ANKFN1: variants seen among roughly 807,000 people sequenced by gnomAD.
The protein encoded by ANKFN1 is ankyrin repeat and fibronectin type III domain containing 1.
ANKFN1 carries 74 observed loss-of-function variants against 108.7 expected under a neutral mutation model. The observed-to-expected ratio is 0.68, with a 90% CI of 0.56 to 0.83. ANKFN1 has a LOEUF of 0.83. ANKFN1 is among the 40% of genes least tolerant of loss of function. ANKFN1 has a pLI of 0.00. For missense variants in ANKFN1, 1,505 were observed against 1,382.3 expected, an observed-to-expected ratio of 1.09 and a Z score of -1.41; for synonymous variants, 547 against 516.2, an observed-to-expected ratio of 1.06 and a Z score of -0.81.
intron 1 of ANKFN1, among the ~76,000 whole-genome samples, chr17:56,163,010 G>A (rs1909806487): frequency 6.6e-6 from 1 of 151,410 alleles, no homozygotes; most frequent in Non-Finnish European, 1.5e-5. Context: ...ACTCCAGCCT[G>A]GGTGACGAGA....
At chr17:56,379,195 G>A (rs936955662) in intron 8 of ANKFN1, among the ~76,000 whole-genome samples, 6 of 152,026 alleles carry the variant, frequency 3.9e-5, no homozygotes, top group Non-Finnish European at 5.9e-5. Flanking sequence ...TGAGGAGATC[G>A]AGACCATCCT....
At chr17:56,492,658 C>T (rs2051077856) in intron 19 of ANKFN1, among the ~76,000 whole-genome samples, 1 of 152,064 alleles carries the variant, frequency 6.6e-6, no homozygotes, top group South Asian at 2.1e-4. Context: ...GAATATTATT[C>T]TTACCTTGTA....
chr17:56,377,611 C>T (rs1427139211), intron 8 of ANKFN1, among the ~76,000 whole-genome samples: 19 of 152,178 alleles, frequency 1.2e-4, no homozygotes, highest in Admixed American at 1.0e-3. Flanking sequence ...TCAGATGCTT[C>T]GATGCTTTGG....
chr17:56,100,517 C>A (rs916925933), intron 4 of ANKFN1, among the ~76,000 whole-genome samples: 4 of 152,242 alleles, frequency 2.6e-5, no homozygotes, highest in Non-Finnish European at 1.5e-5. Flanking sequence ...TCTAGTGAAC[C>A]ACATGATGAT....
At chr17:56,463,065 T>C (rs1171183953) in intron 14 of ANKFN1, among the ~76,000 whole-genome samples, 1 of 152,216 alleles carries the variant, frequency 6.6e-6, no homozygotes, top group Non-Finnish European at 1.5e-5. Flanking sequence ...TCTGGGTTTC[T>C]GCTCTCTAGT....
At chr17:56,079,936 A>C (rs938887049) in intron 4 of ANKFN1, among the ~76,000 whole-genome samples, 1 of 152,210 alleles carries the variant, frequency 6.6e-6, no homozygotes, top group Non-Finnish European at 1.5e-5. Flanking sequence ...TAATAAATAA[A>C]TTAAAAGACA....
intron 4 of ANKFN1, among the ~76,000 whole-genome samples, chr17:56,089,537 T>G (rs1373646411): frequency 6.6e-6 from 1 of 151,486 alleles, no homozygotes; most frequent in Non-Finnish European, 1.5e-5. Context: ...TTCTTCTACC[T>G]GCTGTCCAAT....
intron 1 of ANKFN1, chr17:56,195,498 C>T (rs1255755276): frequency 2.0e-5 from 3 of 152,194 alleles, no homozygotes; most frequent in Admixed American, 6.5e-5. Context: ...TGGCCTCCAT[C>T]TCTAATTGCC....
intron 1 of ANKFN1, among the ~76,000 whole-genome samples, chr17:56,166,585 C>T (rs574929930): frequency 6.4e-4 from 97 of 152,162 alleles, no homozygotes; most frequent in African/African-American, 2.0e-3. Flanking sequence ...TGCAGCCAAC[C>T]GCATTTTGAA....
intron 2 of ANKFN1, among the ~76,000 whole-genome samples, chr17:56,214,864 C>A (rs1915307617): frequency 6.6e-6 from 1 of 152,164 alleles, no homozygotes; most frequent in African/African-American, 2.4e-5. Context: ...GGCTAACATG[C>A]AAACAAATAA....
Position 56,315,715 on chromosome 17 carries a change from A to T in ANKFN1, c.54-10506A>T, listed in dbSNP as rs141985123. Among the ~76,000 whole-genome samples the T allele has an allele frequency of 1.8e-3, 278 of 152,326 alleles. 1 individual carries two copies. The highest frequency in any genetic ancestry group is 3.3e-3 in the Non-Finnish European group (225 of 68,038). Reference sequence around the variant, plus strand: ...TTAGAAAGCTCCTCTACTCCTTAGAAAGTAGCCAGAGCAGCCCATTCAGAC... The same window carrying T: ...TTAGAAAGCTCCTCTACTCCTTAGATAGTAGCCAGAGCAGCCCATTCAGAC... On this transcript the variant is annotated intron_variant, in intron 3 of 20. Coordinates refer to ENST00000682825, the MANE Select transcript of ANKFN1 (RefSeq NM_001370326.1).
chr17:56,245,938 G>T (rs1254930723), intron 3 of ANKFN1: 3 of 152,026 alleles, frequency 2.0e-5, no homozygotes, highest in East Asian at 1.9e-4. Flanking sequence ...TCTACCAAAA[G>T]GTCAAAGAGA....
intron 4 of ANKFN1, among the ~76,000 whole-genome samples, chr17:56,074,126 G>A (rs931066073): frequency 3.3e-5 from 5 of 152,144 alleles, no homozygotes; most frequent in African/African-American, 1.2e-4. Flanking sequence ...TGCTCAATTT[G>A]GATCATTCTC....
chr17:56,186,923 C>G (rs1567824568), intron 1 of ANKFN1, among the ~76,000 whole-genome samples: 1 of 152,134 alleles, frequency 6.6e-6, no homozygotes, highest in African/African-American at 2.4e-5. Flanking sequence ...ACACCTTATA[C>G]AAAAATTAAT....
intron 4 of ANKFN1, among the ~76,000 whole-genome samples, chr17:56,113,870 G>A (rs995431219): frequency 7.2e-5 from 11 of 152,122 alleles, no homozygotes; most frequent in African/African-American, 2.4e-4. Flanking sequence ...AGATGTTAGA[G>A]GGAAATTCAT....
intron 8 of ANKFN1, among the ~76,000 whole-genome samples, chr17:56,396,670 G>T (rs765531442): frequency 6.6e-6 from 1 of 152,046 alleles, no homozygotes; most frequent in Non-Finnish European, 1.5e-5. Context: ...ATTGGGTCAG[G>T]ACTTTATAGG....
intron 8 of ANKFN1, among the ~76,000 whole-genome samples, chr17:56,424,045 C>G (rs1397454587): frequency 1.3e-5 from 2 of 152,116 alleles, no homozygotes; most frequent in Non-Finnish European, 2.9e-5. Flanking sequence ...AGAATTTAGT[C>G]TCAGAGTTTT....
At chr17:56,363,509 T>C (rs767351476) in intron 6 of ANKFN1, among the ~76,000 whole-genome samples, 1 of 152,178 alleles carries the variant, frequency 6.6e-6, no homozygotes, top group Non-Finnish European at 1.5e-5. Context: ...GAAAACTAAG[T>C]GGAGTTTCCT....
intron 4 of ANKFN1, among the ~76,000 whole-genome samples, chr17:56,101,094 GC>G (rs1358899908): frequency 6.6e-6 from 1 of 152,012 alleles, no homozygotes; most frequent in Admixed American, 6.6e-5. Context: ...TGAGACAATG[GC>G]CCTCTACAAT....
Sources: gnomAD v4.1 joint callset for allele counts (sites outside exome capture counted in the v4.1 genomes callset) on GRCh38, gnomAD v4.1.1 for gene constraint, MANE v1.5 for transcripts, NCBI Gene and HGNC (gene_info 2026-07-23, HGNC 2026-07-21) for gene names.